Variants in ARHGAP28 observed in about 807,000 individuals in gnomAD.
ARHGAP28 encodes the protein Rho GTPase activating protein 28, also known as rho GTPase-activating protein 28.
Under a neutral mutation model 90.7 loss-of-function variants are expected in ARHGAP28, and 56 were observed. The ratio of observed to expected loss-of-function variants is 0.62; its 90% CI spans 0.50 to 0.77. ARHGAP28 has a LOEUF of 0.77. ARHGAP28 is among the 30% of genes least tolerant of loss of function. The pLI is 0.00. For missense variants in ARHGAP28, 869 were observed against 900.9 expected, an observed-to-expected ratio of 0.96 and a Z score of 0.45; for synonymous variants, 308 against 323.3, an observed-to-expected ratio of 0.95 and a Z score of 0.51.
At chr18:6,736,792 G>A (rs1685685217) in intron 1 of ARHGAP28, among the ~76,000 whole-genome samples, 1 of 150,508 alleles carries the variant, frequency 6.6e-6, no homozygotes, top group African/African-American at 2.4e-5. Context: ...TAAATGCTGT[G>A]TTAAGAGAGT....
At chr18:6,827,169 T>G (rs2056671870) in intron 2 of ARHGAP28, among the ~76,000 whole-genome samples, 5 of 152,190 alleles carry the variant, frequency 3.3e-5, no homozygotes, top group Admixed American at 3.3e-4. Context: ...AAACCGCCAT[T>G]GTCATCATGG....
At chr18:6,863,610 T>C (rs1323524786) in intron 5 of ARHGAP28, among the ~76,000 whole-genome samples, 1 of 151,892 alleles carries the variant, frequency 6.6e-6, no homozygotes, top group African/African-American at 2.4e-5. Context: ...TGTACAAATA[T>C]GTTGAAAACT....
At chr18:6,799,794 T>C (rs963997304) in intron 1 of ARHGAP28, among the ~76,000 whole-genome samples, 4 of 152,176 alleles carry the variant, frequency 2.6e-5, no homozygotes, top group African/African-American at 9.7e-5. Context: ...ATTCAGGACA[T>C]AGGCATGGGC....
chr18:6,841,238 C>T (rs1211410991), intron 3 of ARHGAP28, among the ~76,000 whole-genome samples: 4 of 138,118 alleles, frequency 2.9e-5, no homozygotes, highest in Non-Finnish European at 6.2e-5. Flanking sequence ...CAACCCGCCC[C>T]CACCAATTGT....
intron 16 of ARHGAP28, among the ~76,000 whole-genome samples, chr18:6,902,598 A>T (rs993266669): frequency 5.3e-5 from 8 of 152,198 alleles, no homozygotes; most frequent in African/African-American, 1.9e-4. Context: ...GAATTCAAAG[A>T]ACTGATAATA....
intron 12 of ARHGAP28, among the ~76,000 whole-genome samples, chr18:6,888,173 T>C (rs146366913): frequency 6.6e-6 from 1 of 152,358 alleles, no homozygotes; most frequent in Non-Finnish European, 1.5e-5. Context: ...GATAGAATCA[T>C]ATTCTATAGT....
In ARHGAP28 at chr18:6,746,535, C is replaced by T. The variant is rs191411519; in HGVS notation, c.122+16592C>T. Among the ~76,000 whole-genome samples, 4 of 152,304 alleles carry T rather than the reference C, an allele frequency of 2.6e-5. No homozygotes were observed. The East Asian group carries it at 7.7e-4, about 29-fold the overall frequency. ...TACTCATGAGGCTTGTGTAGCAAGC[C>T]TATCCTAGCAAAATACAGAGAATTA... On this transcript the variant is annotated intron_variant, in intron 1 of 17. Coordinates refer to ENST00000383472, the MANE Select transcript of ARHGAP28 (RefSeq NM_001366230.1).
At chr18:6,796,387 A>T (rs570841185) in intron 1 of ARHGAP28, among the ~76,000 whole-genome samples, 1 of 151,700 alleles carries the variant, frequency 6.6e-6, no homozygotes, top group Non-Finnish European at 1.5e-5. Context: ...CCCCTGCTAT[A>T]CTCCCTGTCT....
intron 1 of ARHGAP28, among the ~76,000 whole-genome samples, chr18:6,815,657 C>T (rs2056585325): frequency 6.6e-6 from 1 of 152,192 alleles, no homozygotes; most frequent in East Asian, 1.9e-4. Flanking sequence ...GATTATATTT[C>T]AGTTTGTCAT....
At chr18:6,822,791 T>C (rs993599337) in intron 1 of ARHGAP28, among the ~76,000 whole-genome samples, 2 of 152,176 alleles carry the variant, frequency 1.3e-5, no homozygotes, top group African/African-American at 4.8e-5. Flanking sequence ...CTCTACTAAA[T>C]TTAGATGCGA....
chr18:6,908,874 T>G (rs2057378683), intron 16 of ARHGAP28, 86 bp from the exon 17 acceptor site: 1 of 765,866 alleles, frequency 1.3e-6, no homozygotes, highest in Non-Finnish European at 2.2e-6. Flanking sequence ...CAGAATGAAT[T>G]GTTTGTTGCC....
chr18:6,833,874 G>A (rs777068149), intron 2 of ARHGAP28, among the ~76,000 whole-genome samples: 5 of 152,052 alleles, frequency 3.3e-5, no homozygotes, highest in Non-Finnish European at 5.9e-5. Context: ...TATTTAGTGG[G>A]TTTATCTTTT....
At chr18:6,835,872 T>A (rs2143848107) in intron 2 of ARHGAP28, among the ~76,000 whole-genome samples, 1 of 152,282 alleles carries the variant, frequency 6.6e-6, no homozygotes, top group Non-Finnish European at 1.5e-5. Flanking sequence ...TAAAAAAAAA[T>A]CCTCATAGGC....
At chr18:6,872,358 A>G (rs1033791677) in intron 7 of ARHGAP28, among the ~76,000 whole-genome samples, 3 of 152,222 alleles carry the variant, frequency 2.0e-5, no homozygotes, top group African/African-American at 4.8e-5. Flanking sequence ...TTAATAGCAC[A>G]AGGCATGCCC....
chr18:6,854,390 A>G (rs2056935645), intron 4 of ARHGAP28, among the ~76,000 whole-genome samples: 2 of 152,046 alleles, frequency 1.3e-5, no homozygotes, highest in South Asian at 4.2e-4. Flanking sequence ...AACTTTCACA[A>G]AGATCTTCTT....
chr18:6,741,115 A>G (rs1244881983), intron 1 of ARHGAP28, among the ~76,000 whole-genome samples: 1 of 152,200 alleles, frequency 6.6e-6, no homozygotes, highest in Admixed American at 6.5e-5. Context: ...TAGTGAGTGT[A>G]AGTTGGAGTC....
chr18:6,832,038 C>G (rs1358404215), intron 2 of ARHGAP28, among the ~76,000 whole-genome samples: 4 of 151,828 alleles, frequency 2.6e-5, no homozygotes, highest in Admixed American at 2.0e-4. Flanking sequence ...TGCTTTTTTC[C>G]TGGGTTCTTA....
intron 16 of ARHGAP28, among the ~76,000 whole-genome samples, chr18:6,899,504 G>A (rs1600303215): frequency 6.6e-6 from 1 of 152,064 alleles, no homozygotes; most frequent in African/African-American, 2.4e-5. Context: ...AACCTTTCTG[G>A]CAATATCTGC....
rs878936923 is a variant in ARHGAP28 at position 6,870,854 on chromosome 18, G to A, written c.954+122G>A. 1.8e-4 allele frequency: 188 copies of A among 1,042,094 alleles called. 1 individual carries two copies. In the South Asian group the frequency reaches 2.2e-3, roughly 12 times the overall value. 64.6% of individuals were successfully genotyped at this position (1,042,094 alleles called of 1,614,324 possible). On this transcript the variant is annotated intron_variant, in intron 7 of 17. Transcript: ENST00000383472. Reference sequence around the variant, plus strand: ...TCGCTCTATTGCCCCAGGCTGGAGTGCAGTGGCGCGATCTCGGCTCACTGC... The same window carrying A: ...TCGCTCTATTGCCCCAGGCTGGAGTACAGTGGCGCGATCTCGGCTCACTGC...
Sources: gnomAD v4.1 joint callset for allele counts (sites outside exome capture counted in the v4.1 genomes callset) on GRCh38, gnomAD v4.1.1 for gene constraint, MANE v1.5 for transcripts, NCBI Gene and HGNC (gene_info 2026-07-23, HGNC 2026-07-21) for gene names.